Variants in SV2C observed in about 807,000 individuals in gnomAD.
The protein encoded by SV2C is solute carrier family 22 member B3.
A neutral mutation model predicts 79.7 loss-of-function variants in SV2C; 49 were observed. The observed-to-expected ratio is 0.61, with a 90% CI of 0.49 to 0.78. The LOEUF is 0.78. Ranked by LOEUF, SV2C falls within the 30% of genes least tolerant of loss-of-function variation. The pLI is 0.00. For synonymous variants in SV2C, 334 were observed against 333.2 expected, an observed-to-expected ratio of 1.00 and a Z score of -0.03; for missense variants, 833 against 912.9, an observed-to-expected ratio of 0.91 and a Z score of 1.13.
At chr5:76,217,653 T>G (rs1744943030) in intron 4 of SV2C, among the ~76,000 whole-genome samples, 1 of 151,952 alleles carries the variant, frequency 6.6e-6, no homozygotes, top group African/African-American at 2.4e-5. Context: ...ATACCCAGAT[T>G]GCCAGAGCAG....
At chr5:76,245,088 T>C (rs2112428445) in intron 4 of SV2C, among the ~76,000 whole-genome samples, 2 of 152,340 alleles carry the variant, frequency 1.3e-5, no homozygotes, top group Middle Eastern at 6.8e-3. Context: ...AAGTGTAAGA[T>C]CCCAGAGTAC....
chr5:75,956,355 A>T, the SV2C span, among the ~76,000 whole-genome samples: 3 of 133,900 alleles, frequency 2.2e-5, no homozygotes. Context: ...ATGAGAACAC[A>T]TGGACACAGG....
At chr5:76,242,410 A>G (rs576557816) in intron 4 of SV2C, 71 of 676,668 alleles carry the variant, frequency 1.0e-4, no homozygotes, top group South Asian at 1.0e-3. Flanking sequence ...CTCCGGTCTC[A>G]ATCTCTTGAC....
chr5:76,272,794 T>C (rs937305458), intron 4 of SV2C, among the ~76,000 whole-genome samples: 2 of 152,180 alleles, frequency 1.3e-5, no homozygotes, highest in African/African-American at 4.8e-5. Flanking sequence ...TGCCAATATT[T>C]ACTTTTGTTT....
intron 2 of SV2C, among the ~76,000 whole-genome samples, chr5:76,171,744 G>T (rs1402294690): frequency 7.8e-6 from 1 of 127,518 alleles, no homozygotes; most frequent in Non-Finnish European, 1.7e-5. Flanking sequence ...CAGCCGTGCC[G>T]TCCGGGAGGG....
the SV2C span, among the ~76,000 whole-genome samples, chr5:75,858,452 C>T: frequency 1.3e-5 from 2 of 152,164 alleles, no homozygotes; most frequent in African/African-American, 2.4e-5. Flanking sequence ...AGGGATAAAT[C>T]CCACTTGGTC....
chr5:76,218,936 C>G (rs1393837248), intron 4 of SV2C, among the ~76,000 whole-genome samples: 1 of 32,180 alleles, frequency 3.1e-5, no homozygotes, highest in Non-Finnish European at 6.6e-5. Context: ...TTGTATTTAC[C>G]TTTTCCTAAC....
At chr5:76,335,388 A>T (rs781664880), downstream of SV2C, among the ~76,000 whole-genome samples, 22 of 148,084 alleles carry the variant, frequency 1.5e-4, no homozygotes, top group Non-Finnish European at 2.8e-4. Context: ...TTCCTTATTT[A>T]AGAAAAGCTA....
At chr5:76,238,427 G>C (rs1745683917) in intron 4 of SV2C, among the ~76,000 whole-genome samples, 1 of 152,122 alleles carries the variant, frequency 6.6e-6, no homozygotes, top group South Asian at 2.1e-4. Flanking sequence ...TGGGATGGGA[G>C]TGATCCGCGT....
At chr5:75,993,255 A>G in the SV2C span, among the ~76,000 whole-genome samples, 8 of 152,092 alleles carry the variant, frequency 5.3e-5, no homozygotes, top group Admixed American at 5.2e-4. Flanking sequence ...ATGTTTCAAC[A>G]AAAATTTGTA....
chr5:75,869,277 C>T, the SV2C span, among the ~76,000 whole-genome samples: 6 of 152,246 alleles, frequency 3.9e-5, no homozygotes, highest in Non-Finnish European at 7.4e-5. Flanking sequence ...GAGCCCACTC[C>T]CCTGTAGGGT....
At chr5:75,895,029 G>C in the SV2C span, among the ~76,000 whole-genome samples, 1 of 152,076 alleles carries the variant, frequency 6.6e-6, no homozygotes. Context: ...GAAAATATCT[G>C]TCTACTTAGT....
chr5:75,853,555 C>CA, the SV2C span, among the ~76,000 whole-genome samples: 3,503 of 28,882 alleles, frequency 0.12, 314 homozygotes, highest in African/African-American at 0.31. Context: ...GACTCCTTCT[C>CA]AAAAAAAAAA....
At chr5:75,954,087 C>T in the SV2C span, among the ~76,000 whole-genome samples, 1 of 151,938 alleles carries the variant, frequency 6.6e-6, no homozygotes, top group Non-Finnish European at 1.5e-5. Flanking sequence ...GTGATTTGTC[C>T]TGGCACACTG....
chr5:76,084,849 C>T (rs1470839569), intron 1 of SV2C, among the ~76,000 whole-genome samples: 1 of 151,630 alleles, frequency 6.6e-6, no homozygotes, highest in African/African-American at 2.4e-5. Context: ...TGCGGCGGCG[C>T]GGGGCGGCGA....
the SV2C span, among the ~76,000 whole-genome samples, chr5:75,850,749 A>C: frequency 6.6e-6 from 1 of 152,208 alleles, no homozygotes; most frequent in African/African-American, 2.4e-5. Flanking sequence ...TGCAACAAAC[A>C]GGTCAGCAAG....
the SV2C span, among the ~76,000 whole-genome samples, chr5:75,983,676 TGGC>T: frequency 2.0e-5 from 3 of 151,842 alleles, no homozygotes; most frequent in Non-Finnish European, 2.9e-5. Flanking sequence ...ATGTGAACAA[TGGC>T]GGTTGTAGGA....
At chr5:76,209,932 C>A (rs368550467) in intron 4 of SV2C, 45 bp downstream of exon 4, 2 of 1,563,834 alleles carry the variant, frequency 1.3e-6, no homozygotes, top group South Asian at 2.3e-5. Flanking sequence ...CTTCATTTTG[C>A]TTCAGGCTCC....
At chr5:76,207,590 A>G (rs536342530) in intron 3 of SV2C, among the ~76,000 whole-genome samples, 23 of 152,204 alleles carry the variant, frequency 1.5e-4, no homozygotes, top group Non-Finnish European at 2.5e-4. Flanking sequence ...CATGGTTAAT[A>G]TGTGATATTT....
Sources: allele counts gnomAD v4.1 joint callset (sites outside exome capture counted in the v4.1 genomes callset), GRCh38; gene constraint gnomAD v4.1.1; transcripts MANE v1.5; gene names NCBI Gene and HGNC (gene_info 2026-07-23, HGNC 2026-07-21).